Variants in RYR2 observed in about 807,000 individuals in gnomAD.
RYR2 encodes the protein cardiac muscle ryanodine receptor-calcium release channel.
A neutral mutation model predicts 601.1 loss-of-function variants in RYR2; 227 were observed. The ratio of observed to expected loss-of-function variants is 0.38; its 90% CI spans 0.34 to 0.42. RYR2 has a LOEUF of 0.42. Ranked by LOEUF, RYR2 falls within the 10% of genes least tolerant of loss-of-function variation. The pLI is 1.00. For missense variants in RYR2, 4,646 were observed against 6,156.5 expected (o/e 0.75, Z 8.21); for synonymous variants, 2,223 against 2,175.1 (o/e 1.02, Z -0.61).
rs899805956 is a variant in RYR2, at chr1:237,655,069, A to G, written c.7965+655A>G. Among the ~76,000 whole-genome samples the G allele has an allele frequency of 3.9e-5, 6 of 152,338 alleles. No individual in the cohort carries two copies. In the Middle Eastern group the frequency reaches 0.01, roughly 259 times the overall value. ...GGAGTAGTATAACCACTAATTTGCT[A>G]CATAATAGAAGAAAATTTGTCTGCA... On this transcript the variant is annotated intron_variant, in intron 52 of 104. Coordinates refer to ENST00000366574, the MANE Select transcript of RYR2 (RefSeq NM_001035.3).
chr1:237,225,981 G>A (rs541000933), intron 1 of RYR2, among the ~76,000 whole-genome samples: 7 of 152,204 alleles, frequency 4.6e-5, no homozygotes, highest in African/African-American at 1.7e-4. Flanking sequence ...CTTGAACTGG[G>A]GAGGTGGAGG....
At chr1:237,369,381 T>G in intron 5 of RYR2, 153 bp from the exon 6 acceptor site, 1 of 707,930 alleles carries the variant, frequency 1.4e-6, no homozygotes, top group Non-Finnish European at 2.6e-6. Context: ...ATGTATACAT[T>G]ATTTCAACAG....
At chr1:237,641,467 G>GTCTT (rs1490727758) in intron 47 of RYR2, among the ~76,000 whole-genome samples, 2,690 of 117,078 alleles carry the variant, frequency 0.023, 90 homozygotes, top group African/African-American at 0.088. Context: ...ATTAGTGTCT[G>GTCTT]TCTGTCTTTC....
chr1:237,462,640 A>G (rs969528848), intron 16 of RYR2, among the ~76,000 whole-genome samples: 3 of 152,168 alleles, frequency 2.0e-5, no homozygotes, highest in Admixed American at 6.5e-5. Context: ...GCCAAAATGA[A>G]TGTTTGAAGA....
intron 100 of RYR2, among the ~76,000 whole-genome samples, chr1:237,817,403 G>C (rs1661953038): frequency 6.6e-6 from 1 of 152,122 alleles, no homozygotes; most frequent in Admixed American, 6.5e-5. Context: ...GGCAGTGAAG[G>C]CTCCTCATTC....
intron 60 of RYR2, among the ~76,000 whole-genome samples, chr1:237,677,562 G>A (rs1305636996): frequency 6.6e-6 from 1 of 152,066 alleles, no homozygotes; most frequent in African/African-American, 2.4e-5. Flanking sequence ...CTGACTTCCT[G>A]CAGTTTTTTA....
chr1:237,798,801 C>CACACACACACACACACAT (rs3835529), intron 97 of RYR2, among the ~76,000 whole-genome samples: 4,054 of 148,308 alleles, frequency 0.027, 66 homozygotes, highest in East Asian at 0.04. Flanking sequence ...CACACACACA[C>CACACACACACACACACAT]ATATAGTGTG....
rs544765183 is a variant in RYR2 at position 237,058,579 on chromosome 1, C to T, written c.48+16010C>T. Among the ~76,000 whole-genome samples the T allele has an allele frequency of 2.6e-5, 4 of 152,308 alleles. No individual in the cohort carries two copies. The South Asian group carries it at 8.3e-4, about 32-fold the overall frequency. On this transcript the variant is annotated intron_variant, in intron 1 of 104. Transcript: ENST00000366574. ...AACAACAGAGCATATATCTTCATCT[C>T]TTTTGTGTTCTGAATGAGCACCTAT...
In RYR2 at chr1:237,626,417, T is replaced by TA. The variant is rs142652155; in HGVS notation, c.6166+614dup. ...TCCCTGAAATAAAAAAAAATAAACT[T>TA]ACGAAAACTTTTACAGCACTTTTTT... On this transcript the variant is annotated intron_variant, in intron 40 of 104. Transcript: ENST00000366574. Among the ~76,000 whole-genome samples, 1,417 of 152,088 alleles carry TA rather than the reference T, an allele frequency of 9.3e-3. 22 individuals carry two copies. Among genetic ancestry groups the TA allele is most frequent in the African/African-American group, 0.033 (1,358 of 41,506 alleles).
chr1:237,701,329 G>A (rs1312591728), intron 65 of RYR2, among the ~76,000 whole-genome samples: 3 of 152,136 alleles, frequency 2.0e-5, no homozygotes, highest in African/African-American at 7.2e-5. Context: ...TCAGGAGTTC[G>A]AGACCAGCCT....
At chr1:237,803,410 T>TC (rs1660215173) in intron 98 of RYR2, among the ~76,000 whole-genome samples, 1 of 152,014 alleles carries the variant, frequency 6.6e-6, no homozygotes, top group Non-Finnish European at 1.5e-5. Flanking sequence ...TTCACACCAT[T>TC]CTGCCTCAGC....
chr1:237,483,917 G>A (rs576188943), intron 17 of RYR2, among the ~76,000 whole-genome samples: 1 of 152,318 alleles, frequency 6.6e-6, no homozygotes, highest in South Asian at 2.1e-4. Context: ...AATACCTGTG[G>A]TTTGAATAAT....
rs1178490252 is a variant in RYR2, at chr1:237,700,340, C to T, written c.9240C>T (p.Phe3080=). 6.2e-7 allele frequency: 1 copy of T among 1,600,892 alleles called. No homozygotes were observed. The highest frequency in any genetic ancestry group is 1.1e-5 in the South Asian group (1 of 88,568). ...KTMENLKQGQ[F]THTRNQPKGV... is the part of the protein sequence containing the mutation. ...TGGAAAACCTCAAGCAGGGCCAGTT[C>T]ACTCACACCCGAAACCAGCCCAAAG... Residue 3080 remains phenylalanine (F), a synonymous_variant, in exon 65 of 105, where the codon TTC becomes TTT. Transcript: ENST00000366574.
chr1:237,482,594 A>G (rs1662238184), intron 17 of RYR2, among the ~76,000 whole-genome samples: 1 of 152,142 alleles, frequency 6.6e-6, no homozygotes, highest in Non-Finnish European at 1.5e-5. Flanking sequence ...TTCTTTATCC[A>G]TTCATCTGCA....
At chr1:237,596,746 C>G (rs1201423502) in intron 34 of RYR2, among the ~76,000 whole-genome samples, 1 of 152,110 alleles carries the variant, frequency 6.6e-6, no homozygotes, top group African/African-American at 2.4e-5. Context: ...GAAAAAGAAT[C>G]CTAAGAGTAA....
intron 73 of RYR2, among the ~76,000 whole-genome samples, chr1:237,721,364 A>T (rs934425624): frequency 2.0e-5 from 3 of 152,238 alleles, no homozygotes; most frequent in Non-Finnish European, 2.9e-5. Context: ...TTGCCTGTAG[A>T]TGAAAATTAT....
At chr1:237,608,182 T>C (rs1677360852) in intron 35 of RYR2, among the ~76,000 whole-genome samples, 2 of 152,066 alleles carry the variant, frequency 1.3e-5, no homozygotes. Flanking sequence ...TTGTATCAAC[T>C]AAAAAAGAGG....
At chr1:237,709,790 A>C (rs1688678463) in intron 70 of RYR2, among the ~76,000 whole-genome samples, 1 of 152,172 alleles carries the variant, frequency 6.6e-6, no homozygotes. Context: ...TAAATTTTGG[A>C]CTAATATTGA....
At chr1:237,382,211 T>G (rs1701579825) in intron 8 of RYR2, among the ~76,000 whole-genome samples, 1 of 152,228 alleles carries the variant, frequency 6.6e-6, no homozygotes, top group South Asian at 2.1e-4. Flanking sequence ...GCCAAGTTTT[T>G]CGGATCTGTG....
Sources: allele counts gnomAD v4.1 joint callset (sites outside exome capture counted in the v4.1 genomes callset), GRCh38; gene constraint gnomAD v4.1.1; transcripts MANE v1.5; gene names NCBI Gene and HGNC (gene_info 2026-07-23, HGNC 2026-07-21).